MGLL: variants seen among roughly 807,000 people sequenced by gnomAD.
MGLL encodes the protein lysophospholipase homolog.
A neutral mutation model predicts 29.1 loss-of-function variants in MGLL; 7 were observed. The ratio of observed to expected loss-of-function variants is 0.24; its 90% CI spans 0.14 to 0.45. The LOEUF (loss-of-function observed/expected upper bound fraction) is 0.45, where lower values mean the gene tolerates loss of function less well. Among genes scored for constraint, MGLL ranks in the 20% least tolerant of loss-of-function variants. The pLI, the probability that MGLL is intolerant of heterozygous loss-of-function variation, is 0.99. For missense variants in MGLL, 356 were observed against 413.6 expected, an observed-to-expected ratio of 0.86 and a Z score of 1.21; for synonymous variants, 148 against 168.3, an observed-to-expected ratio of 0.88 and a Z score of 0.93.
intron 2 of MGLL, among the ~76,000 whole-genome samples, chr3:127,795,844 G>A (rs981026101): frequency 6.6e-6 from 1 of 151,932 alleles, no homozygotes; most frequent in Non-Finnish European, 1.5e-5. Context: ...TGAGCATGAA[G>A]GAAAAAGCAA....
intron 7 of MGLL, among the ~76,000 whole-genome samples, chr3:127,694,365 ATATG>A (rs1281426776): frequency 8.5e-6 from 1 of 118,278 alleles, no homozygotes; most frequent in African/African-American, 2.9e-5. Flanking sequence ...ATGTGTATAT[ATATG>A]TATGTATATA....
chr3:127,790,440 CTGATT>C (rs1488224919), intron 2 of MGLL, among the ~76,000 whole-genome samples: 1 of 152,142 alleles, frequency 6.6e-6, no homozygotes, highest in African/African-American at 2.4e-5. Context: ...GGAGAGAGAT[CTGATT>C]TGAAGACCTT....
intron 6 of MGLL, among the ~76,000 whole-genome samples, chr3:127,703,912 G>A (rs80104431): frequency 0.016 from 2,471 of 152,214 alleles, 114 homozygotes; most frequent in Admixed American, 0.091. Flanking sequence ...CAAAGCAAAC[G>A]ATGGGCCAGA....
chr3:127,788,974 G>A (rs2077259091), intron 2 of MGLL, among the ~76,000 whole-genome samples: 1 of 152,226 alleles, frequency 6.6e-6, no homozygotes, highest in African/African-American at 2.4e-5. Context: ...GCAGTGCCCA[G>A]TAGTTTTGAA....
At chr3:127,734,441 C>T (rs1253013796) in intron 3 of MGLL, among the ~76,000 whole-genome samples, 2 of 152,130 alleles carry the variant, frequency 1.3e-5, no homozygotes, top group Admixed American at 1.3e-4. Context: ...TTCATTTACC[C>T]TAACTCTGAG....
intron 3 of MGLL, among the ~76,000 whole-genome samples, chr3:127,771,644 C>T (rs1319043529): frequency 6.6e-6 from 1 of 152,212 alleles, no homozygotes; most frequent in African/African-American, 2.4e-5. Flanking sequence ...GTGTGAGCCA[C>T]CAAGCCCGGC....
chr3:127,722,763 G>A (rs2075956284), intron 3 of MGLL, among the ~76,000 whole-genome samples, 197 bp from the exon 4 acceptor site: 1 of 152,184 alleles, frequency 6.6e-6, no homozygotes, highest in African/African-American at 2.4e-5. Flanking sequence ...GGCACAGAGT[G>A]GTTGAGGAAT....
intron 2 of MGLL, chr3:127,791,367 G>A (rs1036737077): frequency 6.6e-6 from 1 of 152,240 alleles, no homozygotes; most frequent in Admixed American, 6.5e-5. Context: ...CTGCTTCAAA[G>A]CTCTCTGAGA....
intron 3 of MGLL, among the ~76,000 whole-genome samples, chr3:127,759,103 T>G (rs2076715928): frequency 6.6e-6 from 1 of 151,988 alleles, no homozygotes; most frequent in African/African-American, 2.4e-5. Flanking sequence ...ATTTTTGTAT[T>G]TAGTAGAGAT....
chr3:127,794,739 C>A (rs572906539), intron 2 of MGLL, among the ~76,000 whole-genome samples: 1 of 152,114 alleles, frequency 6.6e-6, no homozygotes, highest in Admixed American at 6.5e-5. Context: ...ACTCTCTTCT[C>A]TGATGTAAGA....
intron 2 of MGLL, among the ~76,000 whole-genome samples, chr3:127,789,446 G>A (rs138076845): frequency 6.6e-5 from 10 of 152,334 alleles, no homozygotes; most frequent in South Asian, 4.1e-4. Flanking sequence ...GATGGCTCAC[G>A]CCTATAATCC....
At chr3:127,803,875 TCTCAGGCACTAG>T (rs1437165072) in intron 2 of MGLL, among the ~76,000 whole-genome samples, 1 of 152,176 alleles carries the variant, frequency 6.6e-6, no homozygotes, top group African/African-American at 2.4e-5. Context: ...TTTAAGCACC[TCTCAGGCACTAG>T]CTCACCACCA....
chr3:127,789,711 AGAAAGAAAG>A (rs1207567575), intron 2 of MGLL, among the ~76,000 whole-genome samples: 3 of 152,184 alleles, frequency 2.0e-5, no homozygotes, highest in Admixed American at 6.5e-5. Context: ...TCAAAAAGAA[AGAAAGAAAG>A]GAAAGAAAGG....
At chr3:127,696,075 G>C (rs959754121) in intron 6 of MGLL, among the ~76,000 whole-genome samples, 1 of 152,318 alleles carries the variant, frequency 6.6e-6, no homozygotes, top group South Asian at 2.1e-4. Context: ...GGGTGGGCTC[G>C]GCCTCCGTGC....
chr3:127,764,213 G>A (rs1033241821), intron 3 of MGLL, among the ~76,000 whole-genome samples: 3 of 152,182 alleles, frequency 2.0e-5, no homozygotes, highest in East Asian at 1.9e-4. Flanking sequence ...TCTCCTCTGT[G>A]AGCATCTGCT....
intron 3 of MGLL, among the ~76,000 whole-genome samples, chr3:127,741,523 T>C (rs543983179): frequency 6.6e-6 from 1 of 152,332 alleles, no homozygotes; most frequent in South Asian, 2.1e-4. Flanking sequence ...GACACCACGA[T>C]GCGTGTGTTA....
chr3:127,791,517 C>T (rs2077300313), intron 2 of MGLL, among the ~76,000 whole-genome samples: 1 of 152,180 alleles, frequency 6.6e-6, no homozygotes. Flanking sequence ...CGACCCCTAC[C>T]CCGAAAGGGA....
At chr3:127,700,102 A>C (rs1001992526) in intron 6 of MGLL, among the ~76,000 whole-genome samples, 2 of 152,128 alleles carry the variant, frequency 1.3e-5, no homozygotes, top group Admixed American at 6.5e-5. Context: ...GATCTCTCTT[A>C]ATCCATCCAT....
At chr3:127,693,985 T>C (rs569777074) in intron 7 of MGLL, among the ~76,000 whole-genome samples, 12 of 152,260 alleles carry the variant, frequency 7.9e-5, no homozygotes, top group Non-Finnish European at 1.5e-4. Context: ...TTAAAAAATA[T>C]ATTTTGCTGG....
Sources: gnomAD v4.1 joint callset for allele counts (sites outside exome capture counted in the v4.1 genomes callset) on GRCh38, gnomAD v4.1.1 for gene constraint, MANE v1.5 for transcripts, NCBI Gene and HGNC (gene_info 2026-07-23, HGNC 2026-07-21) for gene names.